Variants in TMED3 observed in about 807,000 individuals in gnomAD.
TMED3 encodes transmembrane p24 trafficking protein 3.
In TMED3, 9 loss-of-function variants were observed where a neutral mutation model predicts 15.0. The ratio of observed to expected loss-of-function variants is 0.60; its 90% CI spans 0.36 to 1.04. The LOEUF (loss-of-function observed/expected upper bound fraction) is 1.04. Ranked by LOEUF, TMED3 falls within the 50% of genes least tolerant of loss-of-function variation. The pLI is 0.01. For synonymous variants in TMED3, 117 were observed against 121.4 expected (o/e 0.96, Z 0.24); for missense variants, 267 against 278.9 (o/e 0.96, Z 0.30).
intron 2 of TMED3, chr15:79,383,358 G>A (rs1893570031): frequency 4.0e-6 from 1 of 248,940 alleles, no homozygotes; most frequent in Admixed American, 5.1e-5. Context: ...AGCTCTGAAA[G>A]TTTGGAAGGT....
In TMED3 at chr15:79,322,208, C is replaced by T. The variant is rs760879754; in HGVS notation, c.648C>T (p.His216=). The change falls in exon 3 of 3, where the codon CAC becomes CAT. Residue 216 remains histidine (H), a synonymous_variant. Coordinates refer to ENST00000299705, the MANE Select transcript of TMED3 (RefSeq NM_007364.4). ...TEKRPISRAV[H]S ...AACGACCCATCAGCAGGGCAGTCCA[C>T]TCCTAGCCCCGGCATCCTGCTCTAG... 1.1e-5 allele frequency: 17 copies of T among 1,612,184 alleles called. No individual in the cohort carries two copies. In the South Asian group the frequency reaches 1.9e-4, roughly 18 times the overall value.
intron 2 of TMED3, among the ~76,000 whole-genome samples, chr15:79,331,245 C>T (rs1004244618): frequency 2.6e-5 from 4 of 152,164 alleles, no homozygotes; most frequent in African/African-American, 9.7e-5. Context: ...TTGGTGGGGA[C>T]ATAAACCCAA....
At chr15:79,351,377 A>G (rs965129247) in intron 2 of TMED3, among the ~76,000 whole-genome samples, 2 of 152,188 alleles carry the variant, frequency 1.3e-5, no homozygotes, top group African/African-American at 2.4e-5. Context: ...ACACAAATCC[A>G]TTACATGATC....
At position 79,311,405 on chromosome 15, in the gene TMED3, C is replaced by T. The variant is rs368410166; in HGVS notation, c.156C>T (p.Ser52=). The part of the protein sequence containing the change: ...HEEVEQGVKF[S]LDYQVITGGH... ...AGGTGGAGCAGGGCGTGAAGTTCTCCCTGGATTACCAGGTGAGGCCGGGCG... is the reference window on the plus strand; with the variant it reads ...AGGTGGAGCAGGGCGTGAAGTTCTCTCTGGATTACCAGGTGAGGCCGGGCG... The change falls in exon 1 of 3, where the codon TCC becomes TCT. Residue 52 remains serine, a synonymous_variant. Coordinates refer to ENST00000299705, the MANE Select transcript of TMED3 (RefSeq NM_007364.4). The T allele has an allele frequency of 6.8e-6, 11 of 1,609,812 alleles. No homozygotes were observed. The highest frequency in any genetic ancestry group is 4.0e-5 in the African/African-American group (3 of 74,782).
chr15:79,353,152 A>AT (rs1314169736), intron 2 of TMED3, among the ~76,000 whole-genome samples: 2 of 70,040 alleles, frequency 2.9e-5, no homozygotes, highest in African/African-American at 1.3e-4. Context: ...AAATATATAA[A>AT]ATATATATAA....
intron 2 of TMED3, among the ~76,000 whole-genome samples, chr15:79,397,889 C>T (rs1163027512): frequency 6.6e-6 from 1 of 152,126 alleles, no homozygotes; most frequent in Non-Finnish European, 1.5e-5. Context: ...TTTCCATATG[C>T]TCCCTCCCCA....
chr15:79,365,313 G>A (rs1208916875), intron 2 of TMED3, among the ~76,000 whole-genome samples: 1 of 152,256 alleles, frequency 6.6e-6, no homozygotes, highest in Non-Finnish European at 1.5e-5. Context: ...CTTGGGGTCA[G>A]CAGAAAAGAA....
chr15:79,311,473 G>A (rs1479071611), intron 1 of TMED3, 56 bp downstream of exon 1: 2 of 1,548,554 alleles, frequency 1.3e-6, no homozygotes, highest in Non-Finnish European at 1.7e-6. Flanking sequence ...GGTCTCACCT[G>A]GACACTGGCT....
At chr15:79,343,281 C>G (rs1444585782) in intron 2 of TMED3, among the ~76,000 whole-genome samples, 1 of 152,160 alleles carries the variant, frequency 6.6e-6, no homozygotes, top group African/African-American at 2.4e-5. Context: ...CCTTTATACT[C>G]ATACACACTG....
At chr15:79,348,775 A>G (rs2058880474) in intron 2 of TMED3, among the ~76,000 whole-genome samples, 3 of 152,160 alleles carry the variant, frequency 2.0e-5, no homozygotes. Flanking sequence ...TACATTCCCA[A>G]CAACAGGGTG....
At chr15:79,317,375 C>T (rs556354251) in intron 2 of TMED3, among the ~76,000 whole-genome samples, 1 of 152,296 alleles carries the variant, frequency 6.6e-6, no homozygotes, top group African/African-American at 2.4e-5. Flanking sequence ...ACTCTGGGTC[C>T]TGGGAGAAGG....
At chr15:79,335,179 A>G (rs1362084340) in intron 2 of TMED3, among the ~76,000 whole-genome samples, 3 of 152,252 alleles carry the variant, frequency 2.0e-5, no homozygotes, top group Admixed American at 2.0e-4. Flanking sequence ...AAGCCTTAAT[A>G]AAAGTCAAGG....
intron 2 of TMED3, among the ~76,000 whole-genome samples, chr15:79,320,654 G>A (rs185189761): frequency 1.3e-5 from 2 of 152,180 alleles, no homozygotes; most frequent in Non-Finnish European, 2.9e-5. Context: ...GAATTTTCTA[G>A]GTCTTGGATA....
intron 2 of TMED3, among the ~76,000 whole-genome samples, chr15:79,369,344 T>A (rs767515838): frequency 6.6e-6 from 1 of 152,182 alleles, no homozygotes; most frequent in African/African-American, 2.4e-5. Context: ...GTCCTGCCCA[T>A]GAAGATGCCA....
chr15:79,357,464 CAAAAAAAAA>C (rs59897659), intron 2 of TMED3, among the ~76,000 whole-genome samples: 1 of 87,702 alleles, frequency 1.1e-5, no homozygotes, highest in African/African-American at 4.2e-5. Context: ...CACCCTGCCT[CAAAAAAAAA>C]AAAAAAAAAA....
chr15:79,311,342 C>G lies in TMED3; in HGVS notation c.93C>G (p.Phe31Leu). The change falls in exon 1 of 3, where the codon TTC (phenylalanine) becomes TTG (leucine). Residue 31 changes from phenylalanine to leucine, a missense_variant. Phe to Leu is a conservative substitution (Grantham distance 22). Around this residue, in one of 3 missense-constraint regions of TMED3, gnomAD observed 59 missense variants for 47.0 expected, o/e 1.26. Coordinates refer to ENST00000299705, the MANE Select transcript of TMED3 (RefSeq NM_007364.4). ...AGCCCTGCGGGGCCGAGCTCACCTTCGAGCTGCCGGACAACGCCAAGCAGT... is the reference window on the plus strand; with the variant it reads ...AGCCCTGCGGGGCCGAGCTCACCTTGGAGCTGCCGGACAACGCCAAGCAGT... ...AEQPCGAELT[F>L]ELPDNAKQCF... is the part of the protein sequence containing the mutation. 5.0e-6 allele frequency: 8 copies of G among 1,611,572 alleles called. No individual in the cohort carries two copies. The highest frequency in any genetic ancestry group is 6.8e-6 in the Non-Finnish European group (8 of 1,179,332).
At chr15:79,328,672 G>A (rs1235038903) in intron 2 of TMED3, among the ~76,000 whole-genome samples, 1 of 152,150 alleles carries the variant, frequency 6.6e-6, no homozygotes, top group African/African-American at 2.4e-5. Flanking sequence ...GACCTGGCAA[G>A]GTGACCATCC....
At chr15:79,411,486 A>G (rs1893978457) in exon 3 of TMED3, 1 of 702,326 alleles carries the variant, frequency 1.4e-6, no homozygotes, top group African/African-American at 1.7e-5. Flanking sequence ...AGGGACTGGG[A>G]CGACTGGCAC....
At position 79,322,353 on chromosome 15, in the gene TMED3, A is replaced by T. The variant is rs559956410; in HGVS notation, c.*139A>T. On this transcript the variant is annotated 3_prime_UTR_variant, in exon 3 of 3. Coordinates refer to ENST00000299705, the MANE Select transcript of TMED3 (RefSeq NM_007364.4). Reference sequence around the variant, plus strand: ...TGGTAGCCCTTTGCCTTTCATGCCCATGCTTGATTCTTGCACCTCAGCAGC... The same window carrying T: ...TGGTAGCCCTTTGCCTTTCATGCCCTTGCTTGATTCTTGCACCTCAGCAGC... 4 of 1,475,518 alleles carry T rather than the reference A, an allele frequency of 2.7e-6. No individual in the cohort carries two copies. The highest frequency in any genetic ancestry group is 4.7e-5 in the East Asian group (2 of 42,602). The allele number at this position is 1,475,518 out of a possible 1,614,324, so 91.4% of individuals were successfully genotyped here.
Sources: gnomAD v4.1 joint callset for allele counts (sites outside exome capture counted in the v4.1 genomes callset) on GRCh38, gnomAD v4.1.1 for gene constraint, gnomAD v4.1.1 regional missense constraint, MANE v1.5 for transcripts, NCBI Gene and HGNC (gene_info 2026-07-23, HGNC 2026-07-21) for gene names.